DAB1: variants seen among roughly 807,000 people sequenced by gnomAD.
The protein encoded by DAB1 is DAB adaptor protein 1.
DAB1 carries 15 observed loss-of-function variants against 64.6 expected under a neutral mutation model. The observed-to-expected ratio is 0.23, with a 90% CI of 0.16 to 0.36. The LOEUF (loss-of-function observed/expected upper bound fraction) is 0.36, where lower values mean the gene tolerates loss of function less well. DAB1 is among the 10% of genes least tolerant of loss of function. The pLI is 1.00. For synonymous variants in DAB1, 235 were observed against 251.9 expected (o/e 0.93, Z 0.64); for missense variants, 596 against 706.7 (o/e 0.84, Z 1.78).
At chr1:57,833,505 G>A (rs187534813) in intron 1 of DAB1, among the ~76,000 whole-genome samples, 41 of 152,298 alleles carry the variant, frequency 2.7e-4, no homozygotes, top group African/African-American at 9.9e-4. Context: ...CAAGTTGGCT[G>A]CCCAGGACCA....
intron 7 of DAB1, among the ~76,000 whole-genome samples, chr1:57,569,516 A>G (rs1428239268): frequency 6.7e-6 from 1 of 148,286 alleles, no homozygotes; most frequent in Non-Finnish European, 1.5e-5. Flanking sequence ...CAAACACCGC[A>G]TGTTCTCACT....
Position 58,230,610 on chromosome 1 carries a change from A to T in DAB1, n.310-80022T>A, listed in dbSNP as rs1659731593. On this transcript the variant is annotated intron_variant and non_coding_transcript_variant, in intron 4 of 20. Transcript: ENST00000485760. ...TCTTACAAGGATTCCTTAGAAGTAG[A>T]AGCCCCTGGTATATTACTCATGACA... 2.0e-5 allele frequency among the ~76,000 whole-genome samples: 3 copies of T among 152,362 alleles called. No homozygotes were observed. In the East Asian group the frequency reaches 5.8e-4, roughly 29 times the overall value.
chr1:57,988,073 A>G (rs922570459), intron 5 of DAB1, among the ~76,000 whole-genome samples: 3 of 152,150 alleles, frequency 2.0e-5, no homozygotes, highest in African/African-American at 7.2e-5. Flanking sequence ...TAGGAACCCA[A>G]TCCCACCCAG....
At chr1:57,150,002 C>G (rs545328128) in intron 2 of DAB1, among the ~76,000 whole-genome samples, 1 of 152,284 alleles carries the variant, frequency 6.6e-6, no homozygotes, top group East Asian at 1.9e-4. Context: ...TCCTGTCCTA[C>G]TCCAAGGCTT....
At chr1:58,468,041 TA>T in intron 3 of DAB1, 1 of 152,308 alleles carries the variant, frequency 6.6e-6, no homozygotes, top group South Asian at 2.1e-4. Flanking sequence ...TCTTCTGCCT[TA>T]GCCTCCCAAG....
chr1:57,000,488 T>G lies in DAB1; in HGVS notation c.*16-2360A>C, dbSNP rs147550964. Among the ~76,000 whole-genome samples the G allele has an allele frequency of 5.3e-5, 8 of 152,308 alleles. No homozygotes were observed. In the East Asian group the frequency reaches 1.5e-3, roughly 29 times the overall value. ...TAAATACACTCCAATTTGGCTTTAT[T>G]CTCTCAAAATCAAATGTAGCAAAAT... On this transcript the variant is annotated intron_variant, in intron 14 of 14. Transcript: ENST00000371236.
intron 7 of DAB1, among the ~76,000 whole-genome samples, chr1:57,439,436 T>TTTTTTTTTTTTTTTTTTTTTTTTTG (rs1558381597): frequency 1.5e-5 from 2 of 135,986 alleles, no homozygotes; most frequent in African/African-American, 5.7e-5. Context: ...TTTTTTTTTT[T>TTTTTTTTTTTTTTTTTTTTTTTTTG]TTTTTTTTTT....
intron 3 of DAB1, among the ~76,000 whole-genome samples, chr1:58,414,543 A>C (rs1434319707): frequency 6.6e-6 from 1 of 152,234 alleles, no homozygotes; most frequent in African/African-American, 2.4e-5. Flanking sequence ...TAAGTGTTTC[A>C]TGTTTCTTGA....
At chr1:57,646,140 T>C (rs1646189130) in intron 7 of DAB1, among the ~76,000 whole-genome samples, 1 of 152,178 alleles carries the variant, frequency 6.6e-6, no homozygotes, top group Non-Finnish European at 1.5e-5. Flanking sequence ...TGGCTGCAGA[T>C]GAATATAAAG....
rs576024458 is a variant in DAB1, at chr1:57,471,521, G to A, written n.625+178071C>T. The stretch of plus-strand genomic sequence containing the variant: ...CATCTTGAATTCCCACGTGTTGCAG[G>A]AGGGACCTTGTAGGAGGTAATTGAA... On this transcript the variant is annotated intron_variant and non_coding_transcript_variant, in intron 7 of 20. Coordinates refer to the DAB1 transcript ENST00000485760. Among the ~76,000 whole-genome samples the A allele has an allele frequency of 1.3e-4, 20 of 152,314 alleles. No homozygotes were observed. In the Middle Eastern group the frequency reaches 0.01, roughly 78 times the overall value.
At chr1:57,063,137 G>A (rs1650566437) in intron 8 of DAB1, among the ~76,000 whole-genome samples, 194 bp from the exon 9 acceptor site, 1 of 152,110 alleles carries the variant, frequency 6.6e-6, no homozygotes, top group African/African-American at 2.4e-5. Flanking sequence ...GATGGGGACA[G>A]GGAGTGGGCA....
At chr1:58,141,377 C>T (rs541163079) in intron 5 of DAB1, among the ~76,000 whole-genome samples, 37 of 152,186 alleles carry the variant, frequency 2.4e-4, no homozygotes, top group African/African-American at 8.2e-4. Flanking sequence ...GACTTATTCA[C>T]TATCACGAGA....
intron 2 of DAB1, among the ~76,000 whole-genome samples, chr1:57,257,349 T>G (rs959618164): frequency 6.6e-6 from 1 of 152,216 alleles, no homozygotes; most frequent in Non-Finnish European, 1.5e-5. Context: ...TTAGGACCTG[T>G]GACATTCTGC....
chr1:58,030,791 A>C (rs771170326), intron 5 of DAB1, among the ~76,000 whole-genome samples: 3 of 152,246 alleles, frequency 2.0e-5, no homozygotes, highest in Non-Finnish European at 1.5e-5. Flanking sequence ...ACAGGTCAGC[A>C]GACATCAGCC....
At chr1:57,476,141 G>A (rs532985912) in intron 7 of DAB1, among the ~76,000 whole-genome samples, 30 of 151,256 alleles carry the variant, frequency 2.0e-4, no homozygotes, top group Admixed American at 2.0e-4. Context: ...CAGGAGAATC[G>A]CTTGAATCTG....
chr1:57,357,665 ATTGAC>A (rs951855222), intron 1 of DAB1, among the ~76,000 whole-genome samples: 1 of 151,916 alleles, frequency 6.6e-6, no homozygotes, highest in African/African-American at 2.4e-5. Context: ...AAGAGGTTTA[ATTGAC>A]TCAGTTCTGC....
intron 2 of DAB1, among the ~76,000 whole-genome samples, chr1:57,263,120 A>AT (rs57596595): frequency 0.082 from 12,170 of 148,796 alleles, 1,397 homozygotes; most frequent in African/African-American, 0.26. Flanking sequence ...AGAAGATAAA[A>AT]TTTTTTTTTT....
chr1:57,626,434 G>A (rs989472049), intron 7 of DAB1, among the ~76,000 whole-genome samples: 1 of 152,184 alleles, frequency 6.6e-6, no homozygotes, highest in Non-Finnish European at 1.5e-5. Flanking sequence ...TGAAGGCACT[G>A]AGATGTCTAG....
intron 4 of DAB1, among the ~76,000 whole-genome samples, chr1:57,099,537 G>T (rs1212414264): frequency 6.6e-6 from 1 of 152,174 alleles, no homozygotes; most frequent in Non-Finnish European, 1.5e-5. Flanking sequence ...ATAAACTGAT[G>T]AAGACATTAT....
Sources: allele counts gnomAD v4.1 joint callset (sites outside exome capture counted in the v4.1 genomes callset), GRCh38; gene constraint gnomAD v4.1.1; transcripts MANE v1.5; gene names NCBI Gene and HGNC (gene_info 2026-07-23, HGNC 2026-07-21).